RNF180: variants seen among roughly 807,000 people sequenced by gnomAD.
RNF180 encodes the protein ring finger protein 180.
In RNF180, 38 loss-of-function variants were observed where a neutral mutation model predicts 59.2. The observed-to-expected ratio is 0.64, with a 90% CI of 0.50 to 0.84. The LOEUF (loss-of-function observed/expected upper bound fraction) is 0.84. Ranked by LOEUF, RNF180 falls within the 40% of genes least tolerant of loss-of-function variation. The pLI, the probability that RNF180 is intolerant of heterozygous loss-of-function variation, is 0.00. For synonymous variants in RNF180, 262 were observed against 240.3 expected (o/e 1.09, Z -0.84); for missense variants, 705 against 700.9 (o/e 1.01, Z -0.07).
chr5:64,253,783 A>G (rs566236625), intron 5 of RNF180, among the ~76,000 whole-genome samples: 1 of 152,208 alleles, frequency 6.6e-6, no homozygotes, highest in African/African-American at 2.4e-5. Flanking sequence ...TATAACCCCA[A>G]GGTCACCTAT....
At chr5:64,333,837 T>A (rs1745015307) in intron 7 of RNF180, among the ~76,000 whole-genome samples, 1 of 152,130 alleles carries the variant, frequency 6.6e-6, no homozygotes. Context: ...CCACCCAACA[T>A]AAGAAATATA....
chr5:64,289,704 G>C (rs1310726208), intron 5 of RNF180, among the ~76,000 whole-genome samples: 1 of 152,050 alleles, frequency 6.6e-6, no homozygotes, highest in Non-Finnish European at 1.5e-5. Flanking sequence ...TTCTCTGTTG[G>C]TTGTTTGTAT....
chr5:64,186,078 T>G (rs1259094805), intron 1 of RNF180, among the ~76,000 whole-genome samples: 1 of 152,170 alleles, frequency 6.6e-6, no homozygotes, highest in East Asian at 1.9e-4. Flanking sequence ...TATCTGGCAA[T>G]TTTTTGGAGC....
intron 5 of RNF180, among the ~76,000 whole-genome samples, chr5:64,296,046 G>A (rs1281124935): frequency 6.6e-6 from 1 of 152,060 alleles, no homozygotes; most frequent in Non-Finnish European, 1.5e-5. Flanking sequence ...CATTAATATT[G>A]GTGTATGTAT....
intron 7 of RNF180, among the ~76,000 whole-genome samples, chr5:64,355,923 A>G (rs957893776): frequency 3.9e-5 from 6 of 151,902 alleles, no homozygotes; most frequent in Non-Finnish European, 1.5e-5. Flanking sequence ...TAAATCTTGT[A>G]AAATAAAGAG....
At chr5:64,203,388 T>G (rs567695690) in intron 2 of RNF180, among the ~76,000 whole-genome samples, 17 of 152,326 alleles carry the variant, frequency 1.1e-4, no homozygotes, top group African/African-American at 3.8e-4. Flanking sequence ...AGATAATAAC[T>G]TAATGATTTT....
chr5:64,319,730 G>A (rs1453000471), intron 5 of RNF180, among the ~76,000 whole-genome samples: 1 of 152,208 alleles, frequency 6.6e-6, no homozygotes, highest in East Asian at 1.9e-4. Context: ...TGAGGAAGAA[G>A]TGTTCCCTTT....
rs1743609886 is a variant in RNF180 at position 64,308,889 on chromosome 5, T to A, written c.1228-16297T>A. On this transcript the variant is annotated intron_variant, in intron 5 of 7. Transcript: ENST00000389100. The stretch of plus-strand genomic sequence containing the variant: ...TTCAGCTGACTCCCCCATAGGCAAA[T>A]GCATTCTTCTCCTAGTCCTGTTCTA... Among the ~76,000 whole-genome samples the A allele has an allele frequency of 2.0e-5, 3 of 151,682 alleles. No homozygotes were observed. In the South Asian group the frequency reaches 6.2e-4, roughly 31 times the overall value.
At chr5:64,298,364 A>C (rs942871990) in intron 5 of RNF180, among the ~76,000 whole-genome samples, 1 of 151,864 alleles carries the variant, frequency 6.6e-6, no homozygotes, top group African/African-American at 2.4e-5. Context: ...CAGGGTTTTT[A>C]TAGTTTTTGT....
intron 5 of RNF180, among the ~76,000 whole-genome samples, chr5:64,322,401 C>A (rs2112513590): frequency 6.6e-6 from 1 of 152,130 alleles, no homozygotes; most frequent in South Asian, 2.1e-4. Flanking sequence ...AAAAGCTCAA[C>A]ATCACTGATC....
Position 64,369,818 on chromosome 5 carries a change from T to G in RNF180, c.*4T>G, listed in dbSNP as rs1362282031. On this transcript the variant is annotated 3_prime_UTR_variant, in exon 8 of 8. Coordinates refer to ENST00000389100, the MANE Select transcript of RNF180 (RefSeq NM_001113561.2). ...CTATTTTTTCTTTCCGTTTTAGGAA[T>G]TTCATACCTTACTACAATTGACCAA... The G allele has an allele frequency of 6.9e-7, 1 of 1,439,056 alleles. No homozygotes were observed. Among genetic ancestry groups the G allele is most frequent in the East Asian group, 2.6e-5 (1 of 39,056 alleles). 89.1% of individuals were successfully genotyped at this position (1,439,056 alleles called of 1,614,324 possible). A position where few individuals can be genotyped will look rare whatever the true frequency, so the allele number is the denominator to read the frequency against.
At chr5:64,311,033 C>G (rs1453340205) in intron 5 of RNF180, among the ~76,000 whole-genome samples, 1 of 151,692 alleles carries the variant, frequency 6.6e-6, no homozygotes, top group Admixed American at 6.6e-5. Flanking sequence ...CTTAAAAATA[C>G]CAAGAAGAAT....
intron 5 of RNF180, among the ~76,000 whole-genome samples, chr5:64,300,078 G>A (rs986796603): frequency 9.2e-5 from 14 of 151,608 alleles, no homozygotes; most frequent in African/African-American, 3.4e-4. Flanking sequence ...TTTACTTACT[G>A]ATGATCCCAA....
intron 1 of RNF180, among the ~76,000 whole-genome samples, chr5:64,198,791 G>A (rs1040963312): frequency 1.3e-5 from 2 of 152,146 alleles, no homozygotes; most frequent in Non-Finnish European, 2.9e-5. Flanking sequence ...GAAGAAAGGG[G>A]AGGGCAGAAC....
intron 5 of RNF180, 28 bp downstream of exon 5, chr5:64,217,424 A>G (rs370371212): frequency 2.2e-5 from 30 of 1,377,040 alleles, no homozygotes; most frequent in Non-Finnish European, 2.7e-5. Flanking sequence ...TATATGAGAA[A>G]TTGTCAAATT....
At position 64,370,326 on chromosome 5, in the gene RNF180, C is replaced by G. The variant is rs1746618553; in HGVS notation, c.*512C>G. On this transcript the variant is annotated 3_prime_UTR_variant, in exon 8 of 8. Transcript: ENST00000389100. ...TTTCTAATTGTCACTACTTATATCC[C>G]TTTCTAGTACCAAGAAAACTGACTA... is the stretch of plus-strand genomic sequence containing the variant. The G allele has an allele frequency of 6.6e-6, 1 of 151,876 alleles. No individual in the cohort carries two copies. The highest frequency in any genetic ancestry group is 1.5e-5 in the Non-Finnish European group (1 of 67,938). 9.4% of individuals were successfully genotyped at this position (151,876 alleles called of 1,614,324 possible). A position where few individuals can be genotyped will look rare whatever the true frequency, so the allele number is the denominator to read the frequency against.
chr5:64,369,417 A>G (rs1746575591), intron 7 of RNF180, among the ~76,000 whole-genome samples, 198 bp from the exon 8 acceptor site: 1 of 151,928 alleles, frequency 6.6e-6, no homozygotes, highest in South Asian at 2.1e-4. Context: ...ATATGTAACT[A>G]ACCTGCACAT....
chr5:64,200,468 CA>C (rs1216513071), intron 1 of RNF180, among the ~76,000 whole-genome samples: 1 of 151,572 alleles, frequency 6.6e-6, no homozygotes, highest in African/African-American at 2.4e-5. Context: ...AACAAACAAA[CA>C]AAAAAACTAC....
At chr5:64,224,475 G>A (rs1029432394) in intron 5 of RNF180, among the ~76,000 whole-genome samples, 7 of 152,108 alleles carry the variant, frequency 4.6e-5, no homozygotes, top group Non-Finnish European at 7.3e-5. Flanking sequence ...TTTTGATTAC[G>A]AGCAAGGGGG....
Sources: allele counts gnomAD v4.1 joint callset (sites outside exome capture counted in the v4.1 genomes callset), GRCh38; gene constraint gnomAD v4.1.1; transcripts MANE v1.5; gene names NCBI Gene and HGNC (gene_info 2026-07-23, HGNC 2026-07-21).